XDH: variants seen among roughly 807,000 people sequenced by gnomAD.
XDH encodes the protein xanthine dehydrogenase.
Under a neutral mutation model 156.1 loss-of-function variants are expected in XDH, and 138 were observed. That is an observed-to-expected ratio of 0.88 (90% CI 0.77 to 1.02). The LOEUF is 1.02. Ranked by LOEUF, XDH falls within the 50% of genes least tolerant of loss-of-function variation. The pLI is 0.00. For missense variants in XDH, 1,849 were observed against 1,684.9 expected (o/e 1.10, Z -1.71); for synonymous variants, 669 against 625.7 (o/e 1.07, Z -1.03).
At chr2:31,350,389 T>C (rs1165683880) in intron 24 of XDH, among the ~76,000 whole-genome samples, 166 bp from the exon 25 acceptor site, 1 of 142,150 alleles carries the variant, frequency 7.0e-6, no homozygotes, top group Non-Finnish European at 1.5e-5. Context: ...TTTTTTTTTT[T>C]TTTTTTGAGA....
Position 31,354,434 on chromosome 2 carries a change from T to C in XDH, c.2632-4211A>G, listed in dbSNP as rs1053836158. ...TGAATAATAAAAGATAACCAAGAGA[T>C]GCCATCACTGAGGTGACAAAGATGT... On this transcript the variant is annotated intron_variant, in intron 24 of 35. Coordinates refer to ENST00000379416, the MANE Select transcript of XDH (RefSeq NM_000379.4). Among the ~76,000 whole-genome samples the C allele has an allele frequency of 2.6e-5, 4 of 152,106 alleles. No homozygotes were observed. In the East Asian group the frequency reaches 7.7e-4, roughly 29 times the overall value.
In XDH at chr2:31,337,825, C is replaced by A. The variant is rs112149048; in HGVS notation, c.3775-8G>T. ...GGGCGGCTCTCCAACAGCCTGAACA[C>A]AGACAGGGCACAGGGCAGGGGCTCA... On this transcript the variant is annotated splice_polypyrimidine_tract_variant and splice_region_variant and intron_variant, in intron 34 of 35. Transcript: ENST00000379416. 1.9e-6 allele frequency: 3 copies of A among 1,613,702 alleles called. No homozygotes were observed. Among genetic ancestry groups the A allele is most frequent in the Non-Finnish European group, 2.5e-6 (3 of 1,179,904 alleles).
At chr2:31,373,999 A>G (rs375400889) in intron 15 of XDH, 43 bp from the exon 16 acceptor site, 5 of 1,577,332 alleles carry the variant, frequency 3.2e-6, no homozygotes, top group Admixed American at 3.4e-5. Flanking sequence ...TTATATTTCA[A>G]TCACTGATTC....
At chr2:31,352,088 T>C (rs958762940) in intron 24 of XDH, among the ~76,000 whole-genome samples, 1 of 152,212 alleles carries the variant, frequency 6.6e-6, no homozygotes, top group East Asian at 1.9e-4. Flanking sequence ...TCTCTGTTTT[T>C]TCCATTCTTT....
chr2:31,348,339 T>G lies in XDH; in HGVS notation c.3076A>C (p.Thr1026Pro). 1 of 1,614,192 alleles carries G rather than the reference T, an allele frequency of 6.2e-7. No homozygotes were observed. Among genetic ancestry groups the G allele is most frequent in the Non-Finnish European group, 8.5e-7 (1 of 1,180,036 alleles). The change falls in exon 28 of 36, where the codon ACA becomes CCA. Residue 1026 changes from threonine (T) to proline (P), a missense_variant. Coordinates refer to ENST00000379416, the MANE Select transcript of XDH (RefSeq NM_000379.4). Reference protein sequence around the residue: ...NQAGALLHVYTDGSVLLTHGG... With the variant: ...NQAGALLHVYPDGSVLLTHGG... ...TGGGTCAGCAGCACAGAGCCATCTG[T>G]GTACACATGAAGTAGGGCTCCTGCC...
intron 13 of XDH, among the ~76,000 whole-genome samples, chr2:31,379,078 A>C (rs1271329153): frequency 6.6e-6 from 1 of 152,188 alleles, no homozygotes; most frequent in Admixed American, 6.5e-5. Flanking sequence ...ACTCTCTCTG[A>C]CAGTGGCTCC....
At chr2:31,373,825 G>A (rs1204411253) in intron 16 of XDH, 48 bp downstream of exon 16, 2 of 1,598,720 alleles carry the variant, frequency 1.3e-6, no homozygotes, top group Non-Finnish European at 8.6e-7. Flanking sequence ...GCCAACTCAT[G>A]TGGCCTGCAA....
At chr2:31,366,141 A>C (rs1273864345) in intron 21 of XDH, 32 bp from the exon 22 acceptor site, 10 of 1,614,214 alleles carry the variant, frequency 6.2e-6, no homozygotes, top group South Asian at 1.1e-5. Context: ...TTCGCACTGA[A>C]TGCATTACCT....
chr2:31,336,064 A>T, intron 35 of XDH, 56 bp from the exon 36 acceptor site: 1 of 1,576,344 alleles, frequency 6.3e-7, no homozygotes, highest in Non-Finnish European at 8.7e-7. Context: ...TGCTCCTCCC[A>T]CTCTCTTGCA....
At chr2:31,390,426 G>T (rs988157912) in intron 6 of XDH, among the ~76,000 whole-genome samples, 1 of 152,208 alleles carries the variant, frequency 6.6e-6, no homozygotes, top group Non-Finnish European at 1.5e-5. Flanking sequence ...AGGACATCTT[G>T]GTTGCATCTA....
At chr2:31,383,218 C>G (rs901645055) in intron 10 of XDH, 66 bp from the exon 11 acceptor site, 85 of 1,611,060 alleles carry the variant, frequency 5.3e-5, no homozygotes, top group Non-Finnish European at 7.1e-5. Flanking sequence ...TCATGCACAG[C>G]TCCTCTGAAG....
At chr2:31,343,500 TTA>T (rs754117394) in intron 31 of XDH, among the ~76,000 whole-genome samples, 18 of 102,124 alleles carry the variant, frequency 1.8e-4, no homozygotes, top group East Asian at 9.6e-4. Flanking sequence ...CCTTATATAC[TTA>T]TATATATGTA....
chr2:31,337,922 C>A, intron 34 of XDH, 105 bp from the exon 35 acceptor site: 2 of 1,285,174 alleles, frequency 1.6e-6, no homozygotes, highest in Non-Finnish European at 2.2e-6. Context: ...ACGAGGAGGG[C>A]TGGTGGCACC....
intron 6 of XDH, among the ~76,000 whole-genome samples, chr2:31,396,284 A>C (rs1686902123): frequency 6.6e-6 from 1 of 152,182 alleles, no homozygotes; most frequent in Non-Finnish European, 1.5e-5. Flanking sequence ...CAACTGCTAT[A>C]CTCAAAAATC....
intron 7 of XDH, 92 bp from the exon 8 acceptor site, chr2:31,387,989 T>C: frequency 7.2e-7 from 1 of 1,398,430 alleles, no homozygotes; most frequent in Non-Finnish European, 9.8e-7. Context: ...AGCAAGCTCA[T>C]TCCCAGCCCC....
At position 31,414,651 on chromosome 2, in the gene XDH, A is replaced by G; in HGVS notation, c.16T>C (p.Leu6=). 6.2e-7 allele frequency: 1 copy of G among 1,613,980 alleles called. No homozygotes were observed. Among genetic ancestry groups the G allele is most frequent in the South Asian group, 1.1e-5 (1 of 91,070 alleles). ...TTTCTGCCATTCACAAAGAAAACCAATTTGTCTGCTGTCATTGTCACAGGT... is the reference window on the plus strand; with the variant it reads ...TTTCTGCCATTCACAAAGAAAACCAGTTTGTCTGCTGTCATTGTCACAGGT... MTADK[L]VFFVNGRKVV... Residue 6 remains leucine, a synonymous_variant, in exon 1 of 36, where the codon TTG becomes CTG. Transcript: ENST00000379416.
In XDH at chr2:31,343,310, A is replaced by T. The variant is rs201183844; in HGVS notation, c.3405-1013T>A. On this transcript the variant is annotated intron_variant, in intron 31 of 35. Transcript: ENST00000379416. ...CATATATATATATATATATATATAT[A>T]TATATATATATATATATGCATGTTT... 2.6e-4 allele frequency among the ~76,000 whole-genome samples: 27 copies of T among 102,238 alleles called. 1 individual carries two copies. The highest frequency in any genetic ancestry group is 6.8e-3 in the Middle Eastern group (1 of 148). 67.1% of individuals were successfully genotyped at this position (102,238 alleles called of 152,430 possible).
chr2:31,349,135 ACACTCTTCTT>A (rs1685385887), intron 26 of XDH, among the ~76,000 whole-genome samples, 155 bp from the exon 27 acceptor site: 1 of 152,198 alleles, frequency 6.6e-6, no homozygotes, highest in African/African-American at 2.4e-5. Flanking sequence ...GGTCTTGTCA[ACACTCTTCTT>A]CCCTGAGTGC....
At chr2:31,405,857 A>T in intron 2 of XDH, 50 bp downstream of exon 2, 1 of 1,604,088 alleles carries the variant, frequency 6.2e-7, no homozygotes, top group Non-Finnish European at 8.5e-7. Context: ...CTACAGAATC[A>T]GTCACCATTG....
Sources: gnomAD v4.1 joint callset for allele counts (sites outside exome capture counted in the v4.1 genomes callset) on GRCh38, gnomAD v4.1.1 for gene constraint, MANE v1.5 for transcripts, NCBI Gene and HGNC (gene_info 2026-07-23, HGNC 2026-07-21) for gene names.